CCDC85A: variants seen among roughly 807,000 people sequenced by gnomAD.
CCDC85A encodes the protein coiled-coil domain containing 85A, also known as coiled-coil domain-containing protein 85A.
A neutral mutation model predicts 50.2 loss-of-function variants in CCDC85A; 38 were observed. That is an observed-to-expected ratio of 0.76 (90% confidence interval 0.58 to 0.99). The LOEUF (loss-of-function observed/expected upper bound fraction) is 0.99. Ranked by LOEUF, CCDC85A falls within the 50% of genes least tolerant of loss-of-function variation. The pLI is 0.00. For missense variants in CCDC85A, 820 were observed against 742.0 expected (o/e 1.11, Z -1.22); for synonymous variants, 366 against 301.4 (o/e 1.21, Z -2.22).
intron 2 of CCDC85A, among the ~76,000 whole-genome samples, chr2:56,278,563 T>C (rs2104093993): frequency 6.6e-6 from 1 of 152,166 alleles, no homozygotes; most frequent in Middle Eastern, 3.4e-3. Context: ...CCTGGTCTAT[T>C]TTTATTTTTT....
At chr2:56,336,837 T>G (rs1305853408) in intron 2 of CCDC85A, among the ~76,000 whole-genome samples, 1 of 152,068 alleles carries the variant, frequency 6.6e-6, no homozygotes, top group African/African-American at 2.4e-5. Flanking sequence ...TCTGAGGAAA[T>G]ATCAAGTTAC....
chr2:56,220,851 A>G (rs1284003945), intron 2 of CCDC85A, among the ~76,000 whole-genome samples: 2 of 152,028 alleles, frequency 1.3e-5, no homozygotes, highest in African/African-American at 2.4e-5. Context: ...ATAGCACGCA[A>G]TAAAATGTTC....
At chr2:56,203,806 TTTAA>T (rs1296266354) in intron 2 of CCDC85A, among the ~76,000 whole-genome samples, 1 of 152,192 alleles carries the variant, frequency 6.6e-6, no homozygotes, top group Non-Finnish European at 1.5e-5. Flanking sequence ...TAAATTCTAT[TTTAA>T]TTATGAATAA....
At chr2:56,241,226 A>T (rs1290893018) in intron 2 of CCDC85A, among the ~76,000 whole-genome samples, 2 of 152,146 alleles carry the variant, frequency 1.3e-5, no homozygotes, top group Non-Finnish European at 2.9e-5. Context: ...GGCATATGAG[A>T]TATTTTGATA....
At chr2:56,219,526 A>G (rs1230660879) in intron 2 of CCDC85A, among the ~76,000 whole-genome samples, 3 of 151,570 alleles carry the variant, frequency 2.0e-5, no homozygotes, top group Non-Finnish European at 4.4e-5. Flanking sequence ...TACAAATCCC[A>G]TCTTTCCTTT....
At chr2:56,185,008 C>T in intron 1 of CCDC85A, 108 bp downstream of exon 1, 8 of 1,334,954 alleles carry the variant, frequency 6.0e-6, no homozygotes, top group African/African-American at 4.6e-5. Context: ...GGTGACCCTC[C>T]CCTTCTCCCG....
chr2:56,226,206 A>G (rs1668535873), intron 2 of CCDC85A, among the ~76,000 whole-genome samples: 1 of 152,208 alleles, frequency 6.6e-6, no homozygotes. Context: ...TTGCTCTGAG[A>G]GAAATTTACT....
intron 2 of CCDC85A, among the ~76,000 whole-genome samples, chr2:56,220,623 A>T (rs1668284577): frequency 6.6e-6 from 1 of 152,056 alleles, no homozygotes; most frequent in African/African-American, 2.4e-5. Flanking sequence ...CATTTCTGAG[A>T]AAGGAAGCTT....
chr2:56,354,368 A>G (rs897973689), intron 3 of CCDC85A, among the ~76,000 whole-genome samples: 3 of 152,250 alleles, frequency 2.0e-5, no homozygotes, highest in South Asian at 2.1e-4. Flanking sequence ...GAGAATAATG[A>G]AAGAGAAGCT....
intron 5 of CCDC85A, among the ~76,000 whole-genome samples, chr2:56,381,686 G>A (rs545053804): frequency 7.9e-5 from 12 of 152,104 alleles, no homozygotes; most frequent in African/African-American, 2.6e-4. Context: ...TTACAGAGGG[G>A]GCCATCTCCA....
At chr2:56,288,412 C>T (rs570323529) in intron 2 of CCDC85A, among the ~76,000 whole-genome samples, 38 of 151,792 alleles carry the variant, frequency 2.5e-4, no homozygotes, top group African/African-American at 8.9e-4. Flanking sequence ...TTTTTAAGAT[C>T]TTCTTATAAA....
At chr2:56,266,094 A>G (rs780686410) in intron 2 of CCDC85A, among the ~76,000 whole-genome samples, 1 of 152,230 alleles carries the variant, frequency 6.6e-6, no homozygotes, top group Non-Finnish European at 1.5e-5. Flanking sequence ...AGTAGATATC[A>G]TAGACATAGA....
At chr2:56,366,653 A>G (rs1675809705) in intron 3 of CCDC85A, among the ~76,000 whole-genome samples, 1 of 152,120 alleles carries the variant, frequency 6.6e-6, no homozygotes, top group Non-Finnish European at 1.5e-5. Flanking sequence ...TTCACCCAGC[A>G]TTTTAGGAAC....
At chr2:56,255,418 AG>A (rs988452563) in intron 2 of CCDC85A, among the ~76,000 whole-genome samples, 1 of 152,082 alleles carries the variant, frequency 6.6e-6, no homozygotes, top group African/African-American at 2.4e-5. Flanking sequence ...ACCATTCACA[AG>A]GTTGAGGAAG....
At chr2:56,193,604 C>G (rs1410047439) in intron 2 of CCDC85A, among the ~76,000 whole-genome samples, 164 bp downstream of exon 2, 1 of 152,166 alleles carries the variant, frequency 6.6e-6, no homozygotes, top group Non-Finnish European at 1.5e-5. Flanking sequence ...TGGGGTTCTT[C>G]TCCTCCATCT....
intron 2 of CCDC85A, among the ~76,000 whole-genome samples, chr2:56,214,552 G>A (rs776809626): frequency 1.3e-5 from 2 of 151,842 alleles, no homozygotes; most frequent in African/African-American, 2.4e-5. Context: ...AAGATATAAG[G>A]TCAGTATCTA....
At position 56,192,298 on chromosome 2, in the gene CCDC85A, CTTAAG is replaced by C. The variant is rs887496349; in HGVS notation, c.277-175_277-171del. Among the ~76,000 whole-genome samples the C allele has an allele frequency of 4.6e-5, 7 of 152,142 alleles. No homozygotes were observed. Among genetic ancestry groups the C allele is most frequent in the African/African-American group, 1.7e-4 (7 of 41,414 alleles). ...GTATTGTGCAGGGATAGAACTGATA[CTTAAG>C]TTAGTTTAATTTTTATGGACAGCTA... On this transcript the variant is annotated intron_variant, in intron 1 of 5. Transcript: ENST00000407595. The surrounding 1 kb of genome is among the most constrained non-coding windows in gnomAD (Gnocchi z 4.7).
intron 2 of CCDC85A, among the ~76,000 whole-genome samples, chr2:56,232,709 A>G (rs1191302864): frequency 2.0e-5 from 3 of 152,164 alleles, no homozygotes; most frequent in South Asian, 2.1e-4. Context: ...TCATATCAGC[A>G]TGAGAATGAT....
Position 56,192,740 on chromosome 2 carries a change from C to G in CCDC85A, c.540C>G (p.Cys180Trp). 1 of 1,613,034 alleles carries G rather than the reference C, an allele frequency of 6.2e-7. No homozygotes were observed. Among genetic ancestry groups the G allele is most frequent in the East Asian group, 2.2e-5 (1 of 44,868 alleles). Residue 180 changes from cysteine (C) to tryptophan (W), a missense_variant, in exon 2 of 6, where the codon TGC (cysteine) becomes TGG (tryptophan). Coordinates refer to ENST00000407595, the MANE Select transcript of CCDC85A (RefSeq NM_001080433.2). This position sits in a 1 kb window ranked among gnomAD's most constrained non-coding sequence, Gnocchi z 4.7. ...TAGATGAGGAGAAGGGTGCAGGCTG[C>G]GCAGGCAGCCGCTGCTCCATCGACA... ...VLLDEEKGAGCAGSRCSIDSQ... is the reference protein window; with the variant it reads ...VLLDEEKGAGWAGSRCSIDSQ...
Sources: gnomAD v4.1 joint callset for allele counts (sites outside exome capture counted in the v4.1 genomes callset) on GRCh38, gnomAD v4.1.1 for gene constraint, Gnocchi (gnomAD v3.1) non-coding constraint, MANE v1.5 for transcripts, NCBI Gene and HGNC (gene_info 2026-07-23, HGNC 2026-07-21) for gene names.